Variants in PDE4D observed in about 807,000 individuals in gnomAD.
PDE4D encodes the protein phosphodiesterase 4D.
In PDE4D, 24 loss-of-function variants were observed where a neutral mutation model predicts 87.4. The observed-to-expected ratio is 0.27, with a 90% CI of 0.20 to 0.39. The LOEUF (loss-of-function observed/expected upper bound fraction) is 0.39. Ranked by LOEUF, PDE4D falls within the 10% of genes least tolerant of loss-of-function variation. The probability of loss-of-function intolerance (pLI) is 1.00; values close to 1 mark genes in which losing one functional copy is unlikely to be tolerated. For missense variants in PDE4D, 714 were observed against 1,041.0 expected (o/e 0.69, Z 4.32); for synonymous variants, 384 against 383.2 (o/e 1.00, Z -0.02).
chr5:60,391,447 A>G (rs1762556229), intron 1 of PDE4D, among the ~76,000 whole-genome samples: 1 of 152,220 alleles, frequency 6.6e-6, no homozygotes, highest in Admixed American at 6.5e-5. Context: ...GCTAAAACCA[A>G]GAGGTTCATA....
Position 59,592,226 on chromosome 5 carries a change from T to C in PDE4D, c.455+300942A>G, listed in dbSNP as rs939578692. 6 of 770,838 alleles carry C rather than the reference T, an allele frequency of 7.8e-6. No homozygotes were observed. In the African/African-American group the frequency reaches 9.5e-5, roughly 12 times the overall value. The allele number at this position is 770,838 out of a possible 1,614,324, so 47.7% of individuals were successfully genotyped here. A position where few individuals can be genotyped will look rare whatever the true frequency, so the allele number is the denominator to read the frequency against. ...TTGTTGGTACTCAGTCAATGTTAAC[T>C]AATAACGATGTTGATAGTCATGACT... On this transcript the variant is annotated intron_variant, in intron 1 of 14. Transcript: ENST00000340635.
chr5:59,574,156 A>T lies in PDE4D; in HGVS notation c.455+319012T>A, dbSNP rs866040617. On this transcript the variant is annotated intron_variant, in intron 1 of 14. Coordinates refer to ENST00000340635, the MANE Select transcript of PDE4D (RefSeq NM_001104631.2). ...TATATATATATATAAATATATATTTATATATATATATATATAAATATCTTC... is the reference window on the plus strand; with the variant it reads ...TATATATATATATAAATATATATTTTTATATATATATATATAAATATCTTC... Among the ~76,000 whole-genome samples the T allele has an allele frequency of 1.0e-3, 111 of 108,204 alleles. 6 individuals are homozygous for T. Among genetic ancestry groups the T allele is most frequent in the Middle Eastern group, 4.3e-3 (1 of 230 alleles). The allele number at this position is 108,204 out of a possible 152,430, so 71.0% of individuals were successfully genotyped here.
chr5:59,991,295 T>C (rs1189679801), intron 2 of PDE4D, among the ~76,000 whole-genome samples: 2 of 152,030 alleles, frequency 1.3e-5, no homozygotes, highest in African/African-American at 4.8e-5. Flanking sequence ...ATGTCTTGAT[T>C]TTTTGTCTGC....
At chr5:60,419,978 G>C (rs961242637) in intron 1 of PDE4D, among the ~76,000 whole-genome samples, 11 of 152,166 alleles carry the variant, frequency 7.2e-5, no homozygotes, top group African/African-American at 2.7e-4. Context: ...AGAAGTCTCA[G>C]AAGTTTTGCA....
chr5:60,501,998 T>A (rs1750101447), intron 1 of PDE4D, among the ~76,000 whole-genome samples: 3 of 152,154 alleles, frequency 2.0e-5, no homozygotes, highest in Admixed American at 2.0e-4. Flanking sequence ...CAGAAGCTCT[T>A]TAGTTTAATT....
intron 1 of PDE4D, among the ~76,000 whole-genome samples, chr5:60,199,732 T>G (rs2149541370): frequency 6.6e-6 from 1 of 151,730 alleles, no homozygotes; most frequent in Non-Finnish European, 1.5e-5. Flanking sequence ...TGAAAGAAAC[T>G]TAGTATTAAA....
chr5:60,024,431 C>T (rs2152854925), intron 2 of PDE4D, among the ~76,000 whole-genome samples: 1 of 152,210 alleles, frequency 6.6e-6, no homozygotes, highest in South Asian at 2.1e-4. Context: ...TTTATTGTTT[C>T]AAAGATGTAT....
chr5:60,002,965 T>C (rs1764148129), intron 2 of PDE4D, among the ~76,000 whole-genome samples: 1 of 152,070 alleles, frequency 6.6e-6, no homozygotes, highest in African/African-American at 2.4e-5. Flanking sequence ...GCATCCAAAT[T>C]AGATTTGCAG....
At chr5:59,099,773 T>C (rs1770414718) in intron 5 of PDE4D, among the ~76,000 whole-genome samples, 1 of 152,214 alleles carries the variant, frequency 6.6e-6, no homozygotes, top group Non-Finnish European at 1.5e-5. Flanking sequence ...TGAGGCTTTT[T>C]TGCTTTTAAG....
chr5:59,624,366 T>A (rs1830664434), intron 1 of PDE4D, among the ~76,000 whole-genome samples: 1 of 152,176 alleles, frequency 6.6e-6, no homozygotes, highest in Non-Finnish European at 1.5e-5. Flanking sequence ...TCTCACTTAA[T>A]GAACAGAAAG....
chr5:59,217,920 T>C (rs1338674192), intron 1 of PDE4D: 2 of 418,440 alleles, frequency 4.8e-6, no homozygotes, highest in Non-Finnish European at 9.5e-6. Context: ...TTGGATATGC[T>C]TAAATAGGCA....
intron 2 of PDE4D, among the ~76,000 whole-genome samples, chr5:60,063,166 GAAAGAAAAAGAGAAAGAA>G (rs1771671782): frequency 2.0e-5 from 3 of 149,752 alleles, no homozygotes; most frequent in Non-Finnish European, 4.5e-5. Flanking sequence ...AGGAAAGAAA[GAAAGAAAAAGAGAAAGAA>G]AAAGAAAGAA....
intron 1 of PDE4D, chr5:60,304,158 T>A (rs1754209339): frequency 6.6e-6 from 1 of 152,186 alleles, no homozygotes; most frequent in Admixed American, 6.5e-5. Flanking sequence ...AAACACTCCT[T>A]CTTTTCTTTA....
chr5:60,129,606 T>G (rs2149395095), intron 2 of PDE4D, among the ~76,000 whole-genome samples: 1 of 152,272 alleles, frequency 6.6e-6, no homozygotes, highest in South Asian at 2.1e-4. Flanking sequence ...GGGCCTGCAC[T>G]CATGTCACTC....
At position 59,427,867 on chromosome 5, in the gene PDE4D, G is replaced by C. The variant is rs565453278; in HGVS notation, c.456-211899C>G. On this transcript the variant is annotated intron_variant, in intron 1 of 14. Transcript: ENST00000340635. ...GCTATACTAAAATTGAGACATAAAA[G>C]CTTCATAAAATTGAAAGAAAATTAT... 4.1e-5 allele frequency among the ~76,000 whole-genome samples: 6 copies of C among 144,814 alleles called. No individual in the cohort carries two copies. The East Asian group carries it at 1.2e-3, about 29-fold the overall frequency.
rs1002825290 is a variant in PDE4D at position 60,113,188 on chromosome 5, C to A, written c.42+72369G>T. On this transcript the variant is annotated intron_variant, in intron 2 of 16. Coordinates refer to the PDE4D transcript ENST00000502484. ...CTGTGTTCACCATTTAAAAGAAGGG[C>A]AAGTCCTAAGCAGGAGAGTCAAGTT... Among the ~76,000 whole-genome samples, 6 of 152,228 alleles carry A rather than the reference C, an allele frequency of 3.9e-5. No homozygotes were observed. In the South Asian group the frequency reaches 1.2e-3, roughly 32 times the overall value.
At chr5:59,200,226 C>G (rs1265452962) in intron 2 of PDE4D, among the ~76,000 whole-genome samples, 1 of 143,766 alleles carries the variant, frequency 7.0e-6, no homozygotes, top group African/African-American at 2.7e-5. Context: ...TGTATGTATA[C>G]ATACATATGT....
At chr5:59,133,256 G>A (rs1459378900) in intron 5 of PDE4D, among the ~76,000 whole-genome samples, 1 of 152,164 alleles carries the variant, frequency 6.6e-6, no homozygotes, top group Non-Finnish European at 1.5e-5. Context: ...TCTAGTAAGA[G>A]TAGCAAAATG....
chr5:60,346,367 T>A (rs1435223641), intron 1 of PDE4D, among the ~76,000 whole-genome samples: 1 of 152,110 alleles, frequency 6.6e-6, no homozygotes. Flanking sequence ...CAGAAAGCAA[T>A]AGGCAGAAAG....
Sources: gnomAD v4.1 joint callset for allele counts (sites outside exome capture counted in the v4.1 genomes callset) on GRCh38, gnomAD v4.1.1 for gene constraint, MANE v1.5 for transcripts, NCBI Gene and HGNC (gene_info 2026-07-23, HGNC 2026-07-21) for gene names.